Variants in ADGRL1 observed in about 807,000 individuals in gnomAD.
The protein encoded by ADGRL1 is adhesion G protein-coupled receptor L1, also known as CIRL-1.
In ADGRL1, 31 loss-of-function variants were observed where a neutral mutation model predicts 148.9. The observed-to-expected ratio is 0.21, with a 90% CI of 0.16 to 0.28. ADGRL1 has a LOEUF of 0.28. Among genes scored for constraint, ADGRL1 ranks in the 10% least tolerant of loss-of-function variants. The pLI is 1.00. For synonymous variants in ADGRL1, 937 were observed against 900.3 expected (o/e 1.04, Z -0.73); for missense variants, 1,521 against 2,058.8 (o/e 0.74, Z 5.05).
At chr19:14,171,076 T>G in intron 3 of ADGRL1, 2 of 319,376 alleles carry the variant, frequency 6.3e-6, no homozygotes. Context: ...GAGATCTGGT[T>G]GTTTAAAAGT....
intron 1 of ADGRL1, among the ~76,000 whole-genome samples, chr19:14,187,439 G>A (rs1971643933): frequency 1.3e-5 from 2 of 152,140 alleles, no homozygotes; most frequent in African/African-American, 4.8e-5. Context: ...CGTGGGAAAT[G>A]GGAAGATAAT....
rs1969520444 is a variant in ADGRL1, at chr19:14,162,678, G to C, written c.1123C>G (p.Gln375Glu). ...AAATAGTTGTTCCAGACGTACAGCT[G>C]GTTGTCGCGAGGGTTGTAGTCAACG... Reference protein sequence around the residue: ...SSVDYNPRDNQLYVWNNYFVV... With the variant: ...SSVDYNPRDNELYVWNNYFVV... Residue 375 changes from glutamine to glutamate, a missense_variant, in exon 5 of 23, where the codon CAG (glutamine) becomes GAG (glutamate). Around this residue, in one of 8 missense-constraint regions of ADGRL1, gnomAD observed 270 missense variants for 320.4 expected, o/e 0.84. Transcript: ENST00000361434. This position sits in a 1 kb window ranked among gnomAD's most constrained non-coding sequence, Gnocchi z 5.4. 1 of 1,614,090 alleles carries C rather than the reference G, an allele frequency of 6.2e-7. No individual in the cohort carries two copies. Among genetic ancestry groups the C allele is most frequent in the Non-Finnish European group, 8.5e-7 (1 of 1,179,984 alleles).
At chr19:14,182,882 C>T (rs1971296682) in intron 2 of ADGRL1, among the ~76,000 whole-genome samples, 1 of 152,220 alleles carries the variant, frequency 6.6e-6, no homozygotes, top group South Asian at 2.1e-4. Flanking sequence ...GAGTCACCCG[C>T]CAATGCCCTT....
At position 14,161,308 on chromosome 19, in the gene ADGRL1, T is replaced by C; in HGVS notation, c.1510+4A>G. ...CCTCCCCTGGCTGCAGCCTCTGTAC[T>C]CACCTCGAGTCCCCTTGGGGCAGGG... On this transcript the variant is annotated splice_donor_region_variant and intron_variant, in intron 6 of 22. Transcript: ENST00000361434. This position sits in a 1 kb window ranked among gnomAD's most constrained non-coding sequence, Gnocchi z 4.4. The C allele has an allele frequency of 6.3e-7, 1 of 1,575,288 alleles. No individual in the cohort carries two copies. Among genetic ancestry groups the C allele is most frequent in the Non-Finnish European group, 8.6e-7 (1 of 1,165,956 alleles).
chr19:14,204,676 G>C (rs754801196), intron 1 of ADGRL1, among the ~76,000 whole-genome samples: 2 of 150,868 alleles, frequency 1.3e-5, no homozygotes, highest in Admixed American at 6.6e-5. Context: ...GAGGGGAAGA[G>C]AGAAAGACAG....
rs752554446 is a variant in ADGRL1 at position 14,151,056 on chromosome 19, G to A, written c.4227C>T (p.Pro1409=). The change falls in exon 23 of 23, where the codon CCC becomes CCT. Residue 1409 remains proline (P), a synonymous_variant. Transcript: ENST00000361434. ...AGATTTCGGGGGGGCCGGGGGGTGC[G>A]GGAGGGGGTGGGGGCAGGGCCTCAC... is the stretch of plus-strand genomic sequence containing the variant. ...GPSEALPPPP[P]APPGPPEIYY... 23 of 1,491,918 alleles carry A rather than the reference G, an allele frequency of 1.5e-5. No individual in the cohort carries two copies. Among genetic ancestry groups the A allele is most frequent in the African/African-American group, 2.8e-5 (2 of 71,274 alleles). 92.4% of individuals were successfully genotyped at this position (1,491,918 alleles called of 1,614,324 possible).
At chr19:14,198,962 C>A (rs573417756) in intron 1 of ADGRL1, among the ~76,000 whole-genome samples, 5 of 152,176 alleles carry the variant, frequency 3.3e-5, no homozygotes, top group Non-Finnish European at 7.4e-5. Context: ...CTCAGCAGAG[C>A]AGAGCTGAAA....
At chr19:14,164,166 C>T (rs968026800) in intron 4 of ADGRL1, among the ~76,000 whole-genome samples, 2 of 151,910 alleles carry the variant, frequency 1.3e-5, no homozygotes, top group Non-Finnish European at 2.9e-5. Flanking sequence ...CAGGCTAGGA[C>T]GGGGAATGAA....
intron 1 of ADGRL1, among the ~76,000 whole-genome samples, chr19:14,185,554 A>G (rs1971529569): frequency 6.6e-6 from 1 of 152,110 alleles, no homozygotes; most frequent in Admixed American, 6.6e-5. Context: ...TCAGTCTCCC[A>G]AAGTGCTGGG....
chr19:14,156,566 T>TGTGTGTGG, intron 16 of ADGRL1, 92 bp downstream of exon 16: 3 of 507,942 alleles, frequency 5.9e-6, no homozygotes, highest in African/African-American at 9.0e-5. Context: ...TGTGTGTGTG[T>TGTGTGTGG]GGGGGGGGTG....
rs752713538 is a variant in ADGRL1, at chr19:14,161,444, G to A, written c.1378C>T (p.Arg460Trp). ...PPATAPVPST[R>W]RPPAPNLHVS... ...TGTAGATTCGGGGCTGGGGGCCGCC[G>A]GGTGCTGGGGACTGGGGCTGTGGCT... The change falls in exon 6 of 23, where the codon CGG (arginine) becomes TGG (tryptophan). Residue 460 changes from arginine (R) to tryptophan (W), a missense_variant. Coordinates refer to ENST00000361434, the MANE Select transcript of ADGRL1 (RefSeq NM_014921.5). The surrounding 1 kb of genome is among the most constrained non-coding windows in gnomAD (Gnocchi z 4.4). 2.7e-5 allele frequency: 39 copies of A among 1,463,184 alleles called. No homozygotes were observed. Among genetic ancestry groups the A allele is most frequent in the African/African-American group, 6.3e-5 (4 of 63,942 alleles). 90.6% of individuals were successfully genotyped at this position (1,463,184 alleles called of 1,614,324 possible).
At position 14,163,132 on chromosome 19, in the gene ADGRL1, C is replaced by T; in HGVS notation, c.669G>A (p.Glu223=). ...VYDGAVFYNK[E]RTRNIVKYDL... ...CATACTTGACGATGTTGCGCGTGCG[C>T]TCCTTGTTGTAGAAGACGGCACCAT... The change falls in exon 5 of 23, where the codon GAG becomes GAA. Residue 223 remains glutamate, a synonymous_variant. Transcript: ENST00000361434. The T allele has an allele frequency of 6.2e-7, 1 of 1,614,054 alleles. No individual in the cohort carries two copies. The highest frequency in any genetic ancestry group is 8.5e-7 in the Non-Finnish European group (1 of 1,180,034).
At chr19:14,184,642 A>ATTTTTTTTT (rs1283218279) in intron 1 of ADGRL1, among the ~76,000 whole-genome samples, 1 of 107,872 alleles carries the variant, frequency 9.3e-6, no homozygotes, top group Non-Finnish European at 1.7e-5. Flanking sequence ...TTATTTATTT[A>ATTTTTTTTT]TTTATTTTTT....
intron 4 of ADGRL1, among the ~76,000 whole-genome samples, chr19:14,166,714 G>T (rs182634093): frequency 1.4e-5 from 2 of 147,598 alleles, no homozygotes; most frequent in African/African-American, 2.5e-5. Flanking sequence ...ATGAGAAAAG[G>T]CCAGGTCCCC....
Position 14,157,519 on chromosome 19 carries a change from C to T in ADGRL1, c.2536-59G>A. Reference sequence around the variant, plus strand: ...TTTGGTTTTGCACGCTGGGCTCAGCCAGGTGCCAGCCACAGACAGGGCCCT... The same window carrying T: ...TTTGGTTTTGCACGCTGGGCTCAGCTAGGTGCCAGCCACAGACAGGGCCCT... On this transcript the variant is annotated intron_variant, in intron 13 of 22. Transcript: ENST00000361434. The surrounding 1 kb of genome is among the most constrained non-coding windows in gnomAD (Gnocchi z 7.5). The T allele has an allele frequency of 6.5e-7, 1 of 1,543,878 alleles. No homozygotes were observed. Among genetic ancestry groups the T allele is most frequent in the East Asian group, 2.3e-5 (1 of 44,254 alleles).
At chr19:14,178,813 A>C (rs1970995020) in intron 2 of ADGRL1, among the ~76,000 whole-genome samples, 1 of 152,148 alleles carries the variant, frequency 6.6e-6, no homozygotes, top group Non-Finnish European at 1.5e-5. Flanking sequence ...CACCTGGCTA[A>C]AAGGAGAAAT....
chr19:14,189,736 G>A (rs184604688), intron 1 of ADGRL1, among the ~76,000 whole-genome samples: 1 of 152,266 alleles, frequency 6.6e-6, no homozygotes, highest in Non-Finnish European at 1.5e-5. Flanking sequence ...GCTTTGCTGA[G>A]GCATCATTGA....
rs150956844 is a variant in ADGRL1, at chr19:14,181,470, G to C, written c.70+2063C>G. On this transcript the variant is annotated intron_variant, in intron 2 of 22. Transcript: ENST00000361434. ...GCGGTGGTTCACGCCTGTAATCCCA[G>C]CACTTTGGAAGGCCGAGGTGGGTGG... Among the ~76,000 whole-genome samples, 953 of 152,250 alleles carry C rather than the reference G, an allele frequency of 6.3e-3. 10 individuals carry two copies. Among genetic ancestry groups the C allele is most frequent in the African/African-American group, 0.021 (882 of 41,528 alleles).
At chr19:14,204,405 G>T (rs1972822672) in intron 1 of ADGRL1, among the ~76,000 whole-genome samples, 1 of 152,032 alleles carries the variant, frequency 6.6e-6, no homozygotes, top group Non-Finnish European at 1.5e-5. Flanking sequence ...GATCAATTCA[G>T]GGGGCCAGGC....
Sources: allele counts gnomAD v4.1 joint callset (sites outside exome capture counted in the v4.1 genomes callset), GRCh38; gene constraint gnomAD v4.1.1; regional missense constraint gnomAD v4.1.1; non-coding constraint Gnocchi (gnomAD v3.1); transcripts MANE v1.5; gene names NCBI Gene and HGNC (gene_info 2026-07-23, HGNC 2026-07-21).